Variants in ACMSD observed in about 807,000 individuals in gnomAD.
ACMSD encodes the protein aminocarboxymuconate semialdehyde decarboxylase.
ACMSD carries 37 observed loss-of-function variants against 45.9 expected under a neutral mutation model. The observed-to-expected ratio is 0.81, with a 90% CI of 0.62 to 1.06. The LOEUF (loss-of-function observed/expected upper bound fraction) is 1.06, where lower values mean the gene tolerates loss of function less well. ACMSD is among the 50% of genes least tolerant of loss of function. ACMSD has a pLI of 0.00. For synonymous variants in ACMSD, 138 were observed against 148.8 expected (o/e 0.93, Z 0.53); for missense variants, 434 against 420.9 (o/e 1.03, Z -0.27).
At chr2:134,861,327 A>T (rs1687840107) in intron 3 of ACMSD, among the ~76,000 whole-genome samples, 1 of 152,202 alleles carries the variant, frequency 6.6e-6, no homozygotes, top group African/African-American at 2.4e-5. Context: ...CTGCACGGTA[A>T]ACGAAGTGTG....
At chr2:134,894,828 T>C (rs931766327) in intron 8 of ACMSD, among the ~76,000 whole-genome samples, 1 of 152,090 alleles carries the variant, frequency 6.6e-6, no homozygotes, top group African/African-American at 2.4e-5. Context: ...CGGCTTTGTA[T>C]CTAGAAAATC....
At chr2:134,870,146 A>G (rs1688358945) in intron 6 of ACMSD, among the ~76,000 whole-genome samples, 10 of 152,202 alleles carry the variant, frequency 6.6e-5, no homozygotes, top group Admixed American at 6.5e-4. Context: ...ACAGCTGTGG[A>G]GCGGTCAGAT....
intron 2 of ACMSD, among the ~76,000 whole-genome samples, chr2:134,855,753 A>G (rs1687551487): frequency 6.6e-6 from 1 of 152,206 alleles, no homozygotes; most frequent in Non-Finnish European, 1.5e-5. Flanking sequence ...TCTTCCTCAT[A>G]TATGTGCAAA....
intron 7 of ACMSD, 33 bp from the exon 8 acceptor site, chr2:134,872,436 C>A (rs575213593): frequency 2.4e-5 from 38 of 1,613,260 alleles, no homozygotes; most frequent in Non-Finnish European, 2.8e-5. Flanking sequence ...TTACAATCAA[C>A]ACTAGCCCCT....
intron 8 of ACMSD, among the ~76,000 whole-genome samples, chr2:134,879,844 G>T (rs1057005314): frequency 2.6e-5 from 4 of 152,104 alleles, no homozygotes; most frequent in Non-Finnish European, 5.9e-5. Context: ...CTCTAATTGG[G>T]ACTGAGTTGC....
At chr2:134,862,924 G>A (rs538983488) in intron 4 of ACMSD, 2 of 978,370 alleles carry the variant, frequency 2.0e-6, no homozygotes, top group Non-Finnish European at 1.2e-6. Flanking sequence ...CAGCCAACAA[G>A]AAGGACAGAG....
chr2:134,872,546 C>T lies in ACMSD; in HGVS notation c.754C>T (p.Pro252Ser), dbSNP rs775576714. The T allele has an allele frequency of 9.9e-6, 16 of 1,614,012 alleles. No homozygotes were observed. Among genetic ancestry groups the T allele is most frequent in the Non-Finnish European group, 1.4e-5 (16 of 1,180,032 alleles). ...MRPDLCAQDNPMNPKKYLGSF... is the reference protein window; with the variant it reads ...MRPDLCAQDNSMNPKKYLGSF... ...CCCAGATCTGTGTGCCCAGGACAACCCCATGAACCCGAAGAAATACCTTGG... is the reference window on the plus strand; with the variant it reads ...CCCAGATCTGTGTGCCCAGGACAACTCCATGAACCCGAAGAAATACCTTGG... Residue 252 changes from proline to serine, a missense_variant, in exon 8 of 10, where the codon CCC becomes TCC. By Grantham distance (74) the Pro-to-Ser change is moderately conservative. Transcript: ENST00000356140.
intron 2 of ACMSD, among the ~76,000 whole-genome samples, chr2:134,858,073 C>T (rs991221448): frequency 6.6e-6 from 1 of 152,010 alleles, no homozygotes; most frequent in African/African-American, 2.4e-5. Context: ...GAAGAAATAT[C>T]TGCATTCCCA....
chr2:134,854,227 C>G (rs537041909), intron 2 of ACMSD, among the ~76,000 whole-genome samples: 78 of 152,344 alleles, frequency 5.1e-4, no homozygotes, highest in Non-Finnish European at 9.0e-4. Context: ...TGAGCATGCT[C>G]TCTGGCCTGG....
At chr2:134,845,199 T>C in intron 1 of ACMSD, 34 bp from the exon 2 acceptor site, 1 of 1,613,988 alleles carries the variant, frequency 6.2e-7, no homozygotes. Context: ...TGGTCTTTGC[T>C]CTTTGACTCT....
intron 7 of ACMSD, 142 bp from the exon 8 acceptor site, chr2:134,872,327 T>C: frequency 1.2e-6 from 1 of 849,634 alleles, no homozygotes; most frequent in South Asian, 1.8e-5. Context: ...TCTTCCATCA[T>C]CTCCCAGCAT....
At chr2:134,897,826 T>C (rs1316101850) in intron 8 of ACMSD, among the ~76,000 whole-genome samples, 4 of 151,656 alleles carry the variant, frequency 2.6e-5, no homozygotes, top group Admixed American at 2.6e-4. Context: ...TAGGAATTGT[T>C]TATAGGAACT....
Position 134,840,180 on chromosome 2 carries a change from A to AAAAAAAAACAAAAC in ACMSD, c.57+1449_57+1450insCAAAACAAAAAAAA, listed in dbSNP as rs1553507421. On this transcript the variant is annotated intron_variant, in intron 1 of 9. Coordinates refer to ENST00000356140, the MANE Select transcript of ACMSD (RefSeq NM_138326.3). ...AACTATACCTAGCAAAAAAAAAAAA[A>AAAAAAAAACAAAAC]AAAAAAAAAAAAACCACTAATTCCT... is the stretch of plus-strand genomic sequence containing the variant. Among the ~76,000 whole-genome samples the AAAAAAAAACAAAAC allele has an allele frequency of 7.1e-5, 10 of 140,142 alleles. No homozygotes were observed. The East Asian group carries it at 2.3e-3, about 32-fold the overall frequency. The allele number at this position is 140,142 out of a possible 152,430, so 91.9% of individuals were successfully genotyped here.
chr2:134,855,868 G>A (rs980204039), intron 2 of ACMSD, among the ~76,000 whole-genome samples: 11 of 152,176 alleles, frequency 7.2e-5, no homozygotes, highest in Non-Finnish European at 1.3e-4. Flanking sequence ...TGAAGCCTTG[G>A]ATGCAATTCA....
intron 2 of ACMSD, among the ~76,000 whole-genome samples, chr2:134,852,792 G>C (rs887588880): frequency 6.6e-6 from 1 of 152,126 alleles, no homozygotes; most frequent in Non-Finnish European, 1.5e-5. Context: ...CAGCTGGTGT[G>C]GTCTGGAGGG....
intron 5 of ACMSD, among the ~76,000 whole-genome samples, chr2:134,865,483 C>T (rs1688055131): frequency 6.6e-6 from 1 of 152,168 alleles, no homozygotes. Context: ...GTGTGACTAG[C>T]TCGACCCATC....
At chr2:134,890,216 A>G (rs1321222078) in intron 8 of ACMSD, among the ~76,000 whole-genome samples, 1 of 152,082 alleles carries the variant, frequency 6.6e-6, no homozygotes, top group African/African-American at 2.4e-5. Flanking sequence ...ATACTAAGAC[A>G]AACCGACATG....
intron 7 of ACMSD, among the ~76,000 whole-genome samples, chr2:134,871,575 C>T (rs1688439257): frequency 6.7e-6 from 1 of 150,218 alleles, no homozygotes; most frequent in Admixed American, 6.6e-5. Flanking sequence ...CTCCAGTCTA[C>T]AATAGTCCCC....
At chr2:134,868,667 G>A (rs560471218) in intron 6 of ACMSD, among the ~76,000 whole-genome samples, 2 of 152,092 alleles carry the variant, frequency 1.3e-5, no homozygotes, top group African/African-American at 4.8e-5. Flanking sequence ...TGGCCAGGCT[G>A]CTCTCAAATT....
Sources: gnomAD v4.1 joint callset for allele counts (sites outside exome capture counted in the v4.1 genomes callset) on GRCh38, gnomAD v4.1.1 for gene constraint, MANE v1.5 for transcripts, NCBI Gene and HGNC (gene_info 2026-07-23, HGNC 2026-07-21) for gene names.